The following DOCK1 variants were observed in gnomAD, a reference collection of about 807,000 sequenced individuals.
The protein encoded by DOCK1 is dedicator of cytokinesis protein 1.
Under a neutral mutation model 262.7 loss-of-function variants are expected in DOCK1, and 138 were observed. The ratio of observed to expected loss-of-function variants is 0.53; its 90% CI spans 0.46 to 0.61. The LOEUF (loss-of-function observed/expected upper bound fraction) is 0.61, where lower values mean the gene tolerates loss of function less well. Among genes scored for constraint, DOCK1 ranks in the 20% least tolerant of loss-of-function variants. The pLI, the probability that DOCK1 is intolerant of heterozygous loss-of-function variation, is 0.00. For missense variants in DOCK1, 1,908 were observed against 2,370.7 expected, an observed-to-expected ratio of 0.80 and a Z score of 4.05; for synonymous variants, 866 against 867.4, an observed-to-expected ratio of 1.00 and a Z score of 0.03.
chr10:127,122,913 G>T (rs2049699439), intron 25 of DOCK1, among the ~76,000 whole-genome samples: 1 of 152,118 alleles, frequency 6.6e-6, no homozygotes, highest in Non-Finnish European at 1.5e-5. Context: ...CACTCAATTA[G>T]CTCTGAGAAT....
chr10:126,918,509 T>TA (rs750562237), intron 1 of DOCK1, among the ~76,000 whole-genome samples: 7 of 152,240 alleles, frequency 4.6e-5, no homozygotes, highest in Non-Finnish European at 8.8e-5. Flanking sequence ...CTGGGCAGGA[T>TA]AATTTTTCAC....
chr10:127,325,920 G>A (rs2062729169), intron 29 of DOCK1, among the ~76,000 whole-genome samples: 1 of 152,086 alleles, frequency 6.6e-6, no homozygotes, highest in Non-Finnish European at 1.5e-5. Context: ...TTGCAATAAA[G>A]CAAGTCACAC....
At chr10:127,133,050 T>G (rs115852886) in intron 27 of DOCK1, among the ~76,000 whole-genome samples, 1,540 of 152,310 alleles carry the variant, frequency 0.01, 12 homozygotes, top group African/African-American at 0.026. Context: ...GTTTCCACTC[T>G]AAACACTGTC....
intron 27 of DOCK1, among the ~76,000 whole-genome samples, chr10:127,230,907 G>A (rs1203624616): frequency 1.3e-5 from 2 of 151,862 alleles, no homozygotes; most frequent in African/African-American, 2.4e-5. Flanking sequence ...GGGTAATATG[G>A]ATATTATAGC....
chr10:126,952,331 ATTG>A (rs1288152942), intron 1 of DOCK1, among the ~76,000 whole-genome samples: 4 of 126,058 alleles, frequency 3.2e-5, no homozygotes, highest in Non-Finnish European at 5.5e-5. Flanking sequence ...TGTTGGTTGT[ATTG>A]TTGGTGATGG....
At chr10:127,208,204 G>A (rs534287736) in intron 27 of DOCK1, among the ~76,000 whole-genome samples, 1 of 152,262 alleles carries the variant, frequency 6.6e-6, no homozygotes, top group Admixed American at 6.5e-5. Flanking sequence ...TTAGTTATGG[G>A]AATGCTCCAG....
chr10:127,404,201 C>T, intron 39 of DOCK1, 124 bp from the exon 40 acceptor site: 1 of 670,452 alleles, frequency 1.5e-6, no homozygotes, highest in Non-Finnish European at 2.6e-6. Flanking sequence ...ATCTCCCTCT[C>T]CCACCATCTC....
In DOCK1 at chr10:127,113,251, A is replaced by G. The variant is rs572246851; in HGVS notation, c.2623+2897A>G. Among the ~76,000 whole-genome samples the G allele has an allele frequency of 5.4e-4, 82 of 152,222 alleles. No homozygotes were observed. In the South Asian group the frequency reaches 0.011, roughly 20 times the overall value. Reference sequence around the variant, plus strand: ...GATTTCTAGAACTTGGTATAACTGGATTTAGCTGCATGTGCCACTGAATGC... The same window carrying G: ...GATTTCTAGAACTTGGTATAACTGGGTTTAGCTGCATGTGCCACTGAATGC... On this transcript the variant is annotated intron_variant, in intron 25 of 51. Transcript: ENST00000623213.
At chr10:127,126,173 C>G (rs1033696559) in intron 26 of DOCK1, among the ~76,000 whole-genome samples, 1 of 151,726 alleles carries the variant, frequency 6.6e-6, no homozygotes, top group African/African-American at 2.4e-5. Context: ...CAGCTCATGG[C>G]AACCTCTGCC....
intron 31 of DOCK1, among the ~76,000 whole-genome samples, chr10:127,347,371 C>T (rs1242145625): frequency 2.6e-5 from 4 of 152,150 alleles, no homozygotes; most frequent in Non-Finnish European, 5.9e-5. Flanking sequence ...GCAGTGGTGA[C>T]GGAGGGCCTT....
chr10:126,981,173 C>T (rs2038947039), intron 3 of DOCK1, among the ~76,000 whole-genome samples: 1 of 152,076 alleles, frequency 6.6e-6, no homozygotes, highest in South Asian at 2.1e-4. Flanking sequence ...GTCTTGAACT[C>T]CTGACCTCAG....
chr10:127,061,997 T>A (rs2045567164), intron 23 of DOCK1, among the ~76,000 whole-genome samples: 1 of 146,798 alleles, frequency 6.8e-6, no homozygotes, highest in Non-Finnish European at 1.5e-5. Flanking sequence ...AGTGCAGTGG[T>A]GTGATCTCAG....
intron 25 of DOCK1, among the ~76,000 whole-genome samples, chr10:127,121,222 C>G (rs899285987): frequency 2.0e-5 from 2 of 99,576 alleles, no homozygotes; most frequent in African/African-American, 3.2e-5. Context: ...TAAGACCCCT[C>G]CTCCTTTTTT....
intron 27 of DOCK1, among the ~76,000 whole-genome samples, chr10:127,235,494 C>A (rs1423919828): frequency 6.6e-6 from 1 of 152,180 alleles, no homozygotes; most frequent in Non-Finnish European, 1.5e-5. Flanking sequence ...TACTATTCAT[C>A]ATGCAGATAT....
At chr10:126,949,804 C>G (rs1236449914) in intron 1 of DOCK1, among the ~76,000 whole-genome samples, 1 of 151,932 alleles carries the variant, frequency 6.6e-6, no homozygotes, top group Non-Finnish European at 1.5e-5. Context: ...TTTGTTTTGA[C>G]ATGTCTCTGG....
At chr10:127,273,147 T>G (rs769158422) in intron 29 of DOCK1, among the ~76,000 whole-genome samples, 5 of 152,212 alleles carry the variant, frequency 3.3e-5, no homozygotes, top group Non-Finnish European at 7.3e-5. Context: ...AACACTAAAG[T>G]GAAGTTTCCT....
At position 127,379,619 on chromosome 10, in the gene DOCK1, A is replaced by G. The variant is rs543258040; in HGVS notation, c.3676-463A>G. Among the ~76,000 whole-genome samples the G allele has an allele frequency of 1.2e-4, 19 of 152,364 alleles. No individual in the cohort carries two copies. In the South Asian group the frequency reaches 2.5e-3, roughly 20 times the overall value. On this transcript the variant is annotated intron_variant, in intron 35 of 51. Transcript: ENST00000623213. ...TACTGGCTAGTGTATTGCATAACTC[A>G]GGTCTGTATTATCATATTGTCTTTG...
chr10:127,362,787 A>G, intron 33 of DOCK1, among the ~76,000 whole-genome samples: 1 of 144,986 alleles, frequency 6.9e-6, no homozygotes, highest in Non-Finnish European at 1.5e-5. Flanking sequence ...ATCCCAAGAA[A>G]ATAAGTATAC....
At chr10:127,197,737 G>C (rs1277419080) in intron 27 of DOCK1, among the ~76,000 whole-genome samples, 2 of 152,168 alleles carry the variant, frequency 1.3e-5, no homozygotes, top group Admixed American at 6.5e-5. Context: ...CCTAGCACCA[G>C]CTCTGTGCCT....
Sources: gnomAD v4.1 joint callset for allele counts (sites outside exome capture counted in the v4.1 genomes callset) on GRCh38, gnomAD v4.1.1 for gene constraint, MANE v1.5 for transcripts, NCBI Gene and HGNC (gene_info 2026-07-23, HGNC 2026-07-21) for gene names.